The following RP1 variants were observed in gnomAD, a reference collection of about 807,000 sequenced individuals.
RP1 encodes oxygen-regulated protein 1.
In RP1, 16 loss-of-function variants were observed where a neutral mutation model predicts 14.8. The observed-to-expected ratio is 1.08, with a 90% CI of 0.73 to 1.65. The LOEUF is 1.65. RP1 is among the 40% of genes most tolerant of loss of function. The pLI is 0.00. For missense variants in RP1, 2,631 were observed against 2,535.0 expected, an observed-to-expected ratio of 1.04 and a Z score of -0.81; for synonymous variants, 876 against 883.6, an observed-to-expected ratio of 0.99 and a Z score of 0.15.
intron 3 of RP1, 92 bp from the exon 4 acceptor site, chr8:54,624,578 T>C (rs429668): frequency 0.27 from 341,564 of 1,267,698 alleles, 47,586 homozygotes; most frequent in East Asian, 0.41. Flanking sequence ...CTCTTTCTTT[T>C]TTTGCTGCCT....
At chr8:54,827,911 A>T (rs1355769793) in intron 24 of RP1, among the ~76,000 whole-genome samples, 1 of 149,762 alleles carries the variant, frequency 6.7e-6, no homozygotes, top group Non-Finnish European at 1.5e-5. Context: ...AAAAAAAAGT[A>T]GTAATTATTT....
intron 17 of RP1, among the ~76,000 whole-genome samples, chr8:54,732,633 G>T (rs905595582): frequency 3.9e-5 from 6 of 152,144 alleles, no homozygotes; most frequent in Non-Finnish European, 7.4e-5. Flanking sequence ...AGGATCACCA[G>T]TTTCTCTCTG....
intron 3 of RP1, among the ~76,000 whole-genome samples, chr8:54,624,443 CAAAAAAAAAA>C (rs11332494): frequency 1.8e-5 from 1 of 56,596 alleles, no homozygotes; most frequent in African/African-American, 8.2e-5. Context: ...GACTCTGTCT[CAAAAAAAAAA>C]AAAAAAAAAA....
Position 54,629,282 on chromosome 8 carries a change from C to G in RP1, c.5400C>G (p.Leu1800=). Residue 1800 remains leucine, a synonymous_variant, in exon 4 of 4, where the codon CTC becomes CTG. Coordinates refer to ENST00000220676, the MANE Select transcript of RP1 (RefSeq NM_006269.2). ...CCCCAGGCCCAACGATGGATGAACT[C>G]TCCTCTTCAGAACTCGAGGAACTGA... is the stretch of plus-strand genomic sequence containing the variant. ...NLAPGPTMDE[L]SSSELEELTQ... The G allele has an allele frequency of 6.2e-7, 1 of 1,613,722 alleles. No homozygotes were observed. Among genetic ancestry groups the G allele is most frequent in the Non-Finnish European group, 8.5e-7 (1 of 1,179,772 alleles).
chr8:54,835,874 C>T (rs2129402565), intron 24 of RP1, among the ~76,000 whole-genome samples: 1 of 152,270 alleles, frequency 6.6e-6, no homozygotes, highest in East Asian at 1.9e-4. Context: ...CTTCTATCAG[C>T]AACTTTAAGG....
At chr8:54,715,877 G>A (rs1340769933) in intron 15 of RP1, among the ~76,000 whole-genome samples, 2 of 152,152 alleles carry the variant, frequency 1.3e-5, no homozygotes, top group Admixed American at 1.3e-4. Context: ...TGATTTAAAA[G>A]GGGAAAAGAA....
downstream of RP1, among the ~76,000 whole-genome samples, chr8:54,632,813 T>G (rs887885391): frequency 3.9e-5 from 6 of 152,164 alleles, no homozygotes; most frequent in African/African-American, 1.4e-4. Flanking sequence ...ACTGTGAAAT[T>G]TAGAAGAGTA....
chr8:54,852,955 G>C (rs1489896686), intron 26 of RP1, among the ~76,000 whole-genome samples: 1 of 152,174 alleles, frequency 6.6e-6, no homozygotes, highest in East Asian at 1.9e-4. Flanking sequence ...GGCAGACTCA[G>C]CTATAACAAA....
chr8:54,565,393 C>T (rs1403280094), intron 1 of RP1, among the ~76,000 whole-genome samples: 19 of 152,116 alleles, frequency 1.2e-4, no homozygotes, highest in Admixed American at 1.1e-3. Flanking sequence ...GGCGAAACTC[C>T]GCCTCTACTA....
chr8:54,666,421 A>G (rs1039775146), intron 7 of RP1, among the ~76,000 whole-genome samples: 1 of 151,578 alleles, frequency 6.6e-6, no homozygotes, highest in South Asian at 2.1e-4. Flanking sequence ...GGTACCAGGG[A>G]CTTCTCAAAT....
At chr8:54,789,003 C>G (rs1810395737) in intron 24 of RP1, among the ~76,000 whole-genome samples, 1 of 152,198 alleles carries the variant, frequency 6.6e-6, no homozygotes, top group African/African-American at 2.4e-5. Context: ...CCAGCTAGTC[C>G]TAGATGGACA....
intron 12 of RP1, among the ~76,000 whole-genome samples, chr8:54,685,543 A>T (rs984940660): frequency 6.6e-5 from 10 of 152,126 alleles, no homozygotes; most frequent in African/African-American, 2.4e-4. Flanking sequence ...GTTCTTTTGC[A>T]TTTACTGAGG....
exon 6 of RP1, chr8:54,656,125 C>T: frequency 1.3e-6 from 2 of 1,534,116 alleles, no homozygotes. Flanking sequence ...GTTTTATGTA[C>T]CTGTTCAACG....
chr8:54,785,412 T>G (rs867495703), intron 24 of RP1, among the ~76,000 whole-genome samples: 1 of 152,102 alleles, frequency 6.6e-6, no homozygotes, highest in African/African-American at 2.4e-5. Flanking sequence ...ATTTATCCAT[T>G]TACCAGTTGA....
chr8:54,684,378 T>A (rs1190059823), intron 12 of RP1, among the ~76,000 whole-genome samples: 3 of 152,154 alleles, frequency 2.0e-5, no homozygotes, highest in Non-Finnish European at 4.4e-5. Context: ...ATAGTTTCAG[T>A]ACACATGGTA....
chr8:54,852,423 G>A (rs1033547248), intron 25 of RP1, among the ~76,000 whole-genome samples: 9 of 152,194 alleles, frequency 5.9e-5, no homozygotes, highest in Non-Finnish European at 1.2e-4. Context: ...CTGGAAGTAT[G>A]TTTGAAAGGG....
chr8:54,599,828 G>A (rs535163284), intron 1 of RP1, among the ~76,000 whole-genome samples: 10 of 152,122 alleles, frequency 6.6e-5, no homozygotes, highest in East Asian at 3.9e-4. Flanking sequence ...GTTGCATTCC[G>A]GACATTTTGG....
chr8:54,828,882 C>CTTTTTTTTTTTT (rs201534661), intron 24 of RP1, among the ~76,000 whole-genome samples: 28 of 83,936 alleles, frequency 3.3e-4, no homozygotes, highest in African/African-American at 4.3e-4. Context: ...TCTTCTTCTT[C>CTTTTTTTTTTTT]TTTTTTTTTT....
chr8:54,679,141 C>T (rs1039518193), intron 9 of RP1, among the ~76,000 whole-genome samples: 1 of 152,156 alleles, frequency 6.6e-6, no homozygotes, highest in African/African-American at 2.4e-5. Flanking sequence ...ACATCTACGA[C>T]TTTGACAGTT....
Sources: allele counts gnomAD v4.1 joint callset (sites outside exome capture counted in the v4.1 genomes callset), GRCh38; gene constraint gnomAD v4.1.1; transcripts MANE v1.5; gene names NCBI Gene and HGNC (gene_info 2026-07-23, HGNC 2026-07-21).